Variants in B3GLCT observed in about 807,000 individuals in gnomAD.
B3GLCT encodes the protein beta 3-glucosyltransferase.
In B3GLCT, 65 loss-of-function variants were observed where a neutral mutation model predicts 63.4. The ratio of observed to expected loss-of-function variants is 1.03; its 90% CI spans 0.84 to 1.26. B3GLCT has a LOEUF of 1.26. B3GLCT is among the 50% of genes most tolerant of loss of function. The pLI is 0.00. For synonymous variants in B3GLCT, 233 were observed against 219.2 expected, an observed-to-expected ratio of 1.06 and a Z score of -0.55; for missense variants, 577 against 604.8, an observed-to-expected ratio of 0.95 and a Z score of 0.48.
intron 12 of B3GLCT, among the ~76,000 whole-genome samples, chr13:31,293,751 C>G (rs1477162384): frequency 6.6e-6 from 1 of 152,040 alleles, no homozygotes; most frequent in African/African-American, 2.4e-5. Context: ...GGTCTTGACT[C>G]TTTTATCCAA....
chr13:31,226,499 G>A (rs1185789567), intron 3 of B3GLCT, among the ~76,000 whole-genome samples: 1 of 152,248 alleles, frequency 6.6e-6, no homozygotes, highest in African/African-American at 2.4e-5. Flanking sequence ...TGGAAATGCT[G>A]TTGTCTTCAA....
At chr13:31,291,981 T>A (rs932962629) in intron 12 of B3GLCT, among the ~76,000 whole-genome samples, 1 of 152,224 alleles carries the variant, frequency 6.6e-6, no homozygotes, top group Non-Finnish European at 1.5e-5. Context: ...TATTTTGAGA[T>A]ACATTTCATC....
At chr13:31,291,461 A>G (rs1469445234) in intron 12 of B3GLCT, among the ~76,000 whole-genome samples, 1 of 152,178 alleles carries the variant, frequency 6.6e-6, no homozygotes, top group African/African-American at 2.4e-5. Flanking sequence ...ATCCATGACC[A>G]TGGAATGTTT....
rs116568224 is a variant in B3GLCT at position 31,222,433 on chromosome 13, C to A, written c.121-519C>A. Among the ~76,000 whole-genome samples the A allele has an allele frequency of 2.0e-3, 301 of 152,238 alleles. 1 individual carries two copies. Among genetic ancestry groups the A allele is most frequent in the African/African-American group, 7.0e-3 (292 of 41,560 alleles). On this transcript the variant is annotated intron_variant, in intron 2 of 14. Transcript: ENST00000343307. ...GCTGGCCTCTGAGGCCCTTTGCAGG[C>A]CCCTAGGACTACTCCTCAGGTTGGA...
At chr13:31,230,489 C>T (rs1048965804) in intron 4 of B3GLCT, among the ~76,000 whole-genome samples, 3 of 152,144 alleles carry the variant, frequency 2.0e-5, no homozygotes, top group African/African-American at 7.2e-5. Flanking sequence ...ACATAAACAG[C>T]CTTAACAGTA....
intron 11 of B3GLCT, among the ~76,000 whole-genome samples, chr13:31,285,358 G>T (rs141818514): frequency 6.6e-6 from 1 of 152,044 alleles, no homozygotes; most frequent in South Asian, 2.1e-4. Flanking sequence ...CACTGAGTAC[G>T]ATAGACACTC....
intron 12 of B3GLCT, among the ~76,000 whole-genome samples, chr13:31,297,747 T>C (rs1350153080): frequency 6.6e-6 from 1 of 152,198 alleles, no homozygotes; most frequent in Non-Finnish European, 1.5e-5. Context: ...TTCTGACTGA[T>C]GAGCTTCACG....
intron 1 of B3GLCT, among the ~76,000 whole-genome samples, chr13:31,210,918 A>T (rs1869224286): frequency 6.6e-6 from 1 of 151,486 alleles, no homozygotes; most frequent in East Asian, 1.9e-4. Context: ...CTAAGCATTA[A>T]TTTTTTCTTT....
At chr13:31,285,229 C>T (rs1489308890) in intron 11 of B3GLCT, among the ~76,000 whole-genome samples, 2 of 152,100 alleles carry the variant, frequency 1.3e-5, no homozygotes, top group Non-Finnish European at 2.9e-5. Flanking sequence ...CTGCTTTTCT[C>T]TTCAAATTGC....
chr13:31,288,807 T>C (rs754905891), intron 12 of B3GLCT, among the ~76,000 whole-genome samples: 21 of 151,870 alleles, frequency 1.4e-4, no homozygotes, highest in Non-Finnish European at 2.8e-4. Flanking sequence ...TATGCAGATA[T>C]CAATGGAAGG....
chr13:31,202,180 A>G (rs149761762), intron 1 of B3GLCT, among the ~76,000 whole-genome samples: 251 of 152,324 alleles, frequency 1.6e-3, no homozygotes, highest in African/African-American at 5.7e-3. Context: ...TGGCCTGACT[A>G]TATAGTTTAG....
chr13:31,324,508 C>T (rs1204795854), intron 14 of B3GLCT, among the ~76,000 whole-genome samples: 3 of 152,152 alleles, frequency 2.0e-5, no homozygotes, highest in Admixed American at 6.5e-5. Context: ...AGGAAATCCT[C>T]CTGCATTATG....
chr13:31,301,242 C>G (rs1424075993), intron 12 of B3GLCT, among the ~76,000 whole-genome samples: 1 of 152,176 alleles, frequency 6.6e-6, no homozygotes, highest in Non-Finnish European at 1.5e-5. Context: ...ACTCACAAAC[C>G]TTTGCCATAA....
intron 12 of B3GLCT, among the ~76,000 whole-genome samples, chr13:31,311,058 G>T (rs1268865422): frequency 6.6e-6 from 1 of 152,242 alleles, no homozygotes; most frequent in East Asian, 1.9e-4. Context: ...TTTCTGGCTG[G>T]TGAAGCAGCA....
In B3GLCT at chr13:31,286,765, G is replaced by C. The variant is rs199794968; in HGVS notation, c.1010G>C (p.Arg337Pro). The change falls in exon 12 of 15, where the codon CGT (arginine) becomes CCT (proline). Residue 337 changes from arginine to proline, a missense_variant. Arg to Pro is a moderately radical substitution (Grantham distance 103). Coordinates refer to ENST00000343307, the MANE Select transcript of B3GLCT (RefSeq NM_194318.4). ...GCCATTTTGGAAAGATTTCTGAATC[G>C]TAGCCAGGACAAAACAGCATGGTTA... ...TFAILERFLNRSQDKTAWLVI... is the reference protein window; with the variant it reads ...TFAILERFLNPSQDKTAWLVI... The C allele has an allele frequency of 6.2e-7, 1 of 1,613,402 alleles. No individual in the cohort carries two copies. Among genetic ancestry groups the C allele is most frequent in the Non-Finnish European group, 8.5e-7 (1 of 1,179,606 alleles).
rs746624527 is a variant in B3GLCT at position 31,274,440 on chromosome 13, A to G, written c.661-69A>G. The G allele has an allele frequency of 4.4e-6, 7 of 1,598,890 alleles. No homozygotes were observed. The East Asian group carries it at 1.3e-4, about 31-fold the overall frequency. On this transcript the variant is annotated intron_variant, in intron 8 of 14. Transcript: ENST00000343307. ...GATGTGTTCTGCTTTCCCTTGAGAT[A>G]TTTTGTCCCTTCTTATACTTGTGTT...
At chr13:31,230,965 G>A (rs752025419) in intron 4 of B3GLCT, among the ~76,000 whole-genome samples, 70 of 152,000 alleles carry the variant, frequency 4.6e-4, no homozygotes, top group Non-Finnish European at 8.5e-4. Context: ...CTGAGATCGC[G>A]CCACTGCCCT....
chr13:31,200,680 G>GT (rs1868612069), intron 1 of B3GLCT, among the ~76,000 whole-genome samples: 1 of 151,970 alleles, frequency 6.6e-6, no homozygotes, highest in African/African-American at 2.4e-5. Flanking sequence ...ACCCCCGGGG[G>GT]CGAGGACTGC....
At chr13:31,296,187 G>A (rs1343089313) in intron 12 of B3GLCT, among the ~76,000 whole-genome samples, 3 of 152,350 alleles carry the variant, frequency 2.0e-5, no homozygotes, top group Non-Finnish European at 2.9e-5. Context: ...TACCTCAGTT[G>A]GAAATGCAGA....
Sources: allele counts gnomAD v4.1 joint callset (sites outside exome capture counted in the v4.1 genomes callset), GRCh38; gene constraint gnomAD v4.1.1; transcripts MANE v1.5; gene names NCBI Gene and HGNC (gene_info 2026-07-23, HGNC 2026-07-21).